SPMAP2: variants seen among roughly 807,000 people sequenced by gnomAD.
SPMAP2 encodes the protein sperm microtubule associated protein 2, also known as Theg homolog.
the SPMAP2 span, chr19:366,945 A>G: frequency 5.1e-6 from 6 of 1,175,992 alleles, no homozygotes; most frequent in Non-Finnish European, 7.2e-6. Context: ...CGTCCCTGTG[A>G]TTTCTGCTTC....
chr19:375,999 C>G, the SPMAP2 span: 7 of 1,389,204 alleles, frequency 5.0e-6, no homozygotes, highest in Non-Finnish European at 5.6e-6. Flanking sequence ...CCCCCGCGGC[C>G]TCACTCTCCC....
chr19:362,991 A>T, the SPMAP2 span, among the ~76,000 whole-genome samples: 2 of 152,182 alleles, frequency 1.3e-5, no homozygotes, highest in East Asian at 3.9e-4. Flanking sequence ...CCATTTATAC[A>T]AATGTCCAGG....
At chr19:371,384 G>GTT in the SPMAP2 span, 1 of 679,706 alleles carries the variant, frequency 1.5e-6, no homozygotes, top group Non-Finnish European at 2.3e-6. Context: ...GTGTGTGTGT[G>GTT]TGTGTGTGTG....
chr19:371,466 C>T, the SPMAP2 span: 2 of 457,474 alleles, frequency 4.4e-6, no homozygotes, highest in Non-Finnish European at 7.7e-6. Flanking sequence ...CCCAGCTCCT[C>T]CTCTGTTTCT....
the SPMAP2 span, chr19:374,230 A>G: frequency 1.2e-5 from 19 of 1,588,858 alleles, no homozygotes; most frequent in South Asian, 1.7e-4. Context: ...GGACAGGAGG[A>G]GCCCGGGAAG....
chr19:373,377 A>G, the SPMAP2 span: 3 of 1,230,618 alleles, frequency 2.4e-6, no homozygotes, highest in Non-Finnish European at 3.6e-6. Context: ...AGATGGGGCA[A>G]GGGAGGCCAG....
At chr19:367,110 G>A in the SPMAP2 span, 4 of 1,613,150 alleles carry the variant, frequency 2.5e-6, no homozygotes, top group Non-Finnish European at 3.4e-6. Flanking sequence ...TGTGGCTTGG[G>A]TTTTGGCACG....
the SPMAP2 span, among the ~76,000 whole-genome samples, chr19:366,561 A>G: frequency 6.6e-6 from 1 of 152,254 alleles, no homozygotes; most frequent in Admixed American, 6.5e-5. Flanking sequence ...AAGACAAGAC[A>G]GAGACTTGGG....
the SPMAP2 span, chr19:373,404 C>G: frequency 6.7e-7 from 1 of 1,493,162 alleles, no homozygotes; most frequent in East Asian, 2.3e-5. Flanking sequence ...CTAGATGGGG[C>G]GGGGCAGGTT....
At chr19:375,381 T>C in the SPMAP2 span, among the ~76,000 whole-genome samples, 1 of 152,216 alleles carries the variant, frequency 6.6e-6, no homozygotes, top group Non-Finnish European at 1.5e-5. Flanking sequence ...GAACTCAGTC[T>C]GCCTGACTCC....
the SPMAP2 span, among the ~76,000 whole-genome samples, chr19:375,073 G>A: frequency 7.2e-5 from 11 of 152,108 alleles, no homozygotes; most frequent in African/African-American, 1.4e-4. Flanking sequence ...GGGGCAGGTC[G>A]GGCACGTGCA....
the SPMAP2 span, chr19:375,994 G>A: frequency 4.8e-3 from 6,613 of 1,384,820 alleles, 283 homozygotes; most frequent in African/African-American, 0.086. Context: ...CCCAGCCCCC[G>A]CGGCCTCACT....
chr19:374,153 G>A, the SPMAP2 span: 1 of 1,480,362 alleles, frequency 6.8e-7, no homozygotes, highest in South Asian at 1.2e-5. Context: ...CTCCTTAACT[G>A]GCCAACCCCA....
At chr19:367,108 G>C in the SPMAP2 span, 3 of 1,613,034 alleles carry the variant, frequency 1.9e-6, no homozygotes, top group Non-Finnish European at 2.5e-6. Context: ...CATGTGGCTT[G>C]GGTTTTGGCA....
At chr19:372,743 C>T in the SPMAP2 span, 19 of 1,594,468 alleles carry the variant, frequency 1.2e-5, no homozygotes, top group Non-Finnish European at 1.5e-5. Flanking sequence ...CCAGTGTCAA[C>T]ACCCTGCAGT....
the SPMAP2 span, chr19:376,025 C>G: frequency 3.7e-6 from 5 of 1,366,930 alleles, no homozygotes; most frequent in African/African-American, 7.4e-5. Flanking sequence ...CCAAATGTGT[C>G]TGTGGTGGCC....
chr19:371,363 GGTGGGGGT>G, the SPMAP2 span: 4 of 999,632 alleles, frequency 4.0e-6, no homozygotes, highest in South Asian at 2.0e-5. Context: ...CTCGGCCGGG[GGTGGGGGT>G]GTGTGTGTGT....
At chr19:371,172 G>T in the SPMAP2 span, 1 of 1,292,286 alleles carries the variant, frequency 7.7e-7, no homozygotes, top group Non-Finnish European at 1.0e-6. Flanking sequence ...CCCGCCTGGC[G>T]GGGGTGAGTC....
the SPMAP2 span, chr19:375,689 G>C: frequency 8.8e-6 from 14 of 1,595,722 alleles, no homozygotes; most frequent in Non-Finnish European, 1.1e-5. Flanking sequence ...CCTCTTCCAA[G>C]TCCTTGTCCA....
Sources: allele counts gnomAD v4.1 joint callset (sites outside exome capture counted in the v4.1 genomes callset), GRCh38; gene constraint gnomAD v4.1.1; transcripts MANE v1.5; gene names NCBI Gene and HGNC (gene_info 2026-07-23, HGNC 2026-07-21).